Variants in TDRD10 observed in about 807,000 individuals in gnomAD.
TDRD10 encodes tudor domain-containing protein 10.
In TDRD10, 40 loss-of-function variants were observed where a neutral mutation model predicts 48.0. The observed-to-expected ratio is 0.83, with a 90% CI of 0.65 to 1.09. TDRD10 has a LOEUF of 1.09. TDRD10 is among the 50% of genes least tolerant of loss of function. The pLI, the probability that TDRD10 is intolerant of heterozygous loss-of-function variation, is 0.00. For synonymous variants in TDRD10, 162 were observed against 170.4 expected, an observed-to-expected ratio of 0.95 and a Z score of 0.38; for missense variants, 378 against 434.7, an observed-to-expected ratio of 0.87 and a Z score of 1.16.
rs1164408960 is a variant in TDRD10 at position 154,544,591 on chromosome 1, C to T, written c.797+74C>T. On this transcript the variant is annotated intron_variant, in intron 10 of 12. Transcript: ENST00000368482. ...AATGCTCCCTTCTTGCATTCTCTTC[C>T]TTTGGGCTCTGGTTTTTTTTCCTGT... is the stretch of plus-strand genomic sequence containing the variant. The T allele has an allele frequency of 7.1e-6, 11 of 1,541,004 alleles. No individual in the cohort carries two copies. In the African/African-American group the frequency reaches 1.1e-4, roughly 15 times the overall value.
intron 4 of TDRD10, among the ~76,000 whole-genome samples, chr1:154,510,150 T>C (rs948467744): frequency 6.6e-6 from 1 of 150,816 alleles, no homozygotes; most frequent in East Asian, 1.9e-4. Flanking sequence ...ACAGCTATAA[T>C]CCCAGTACTT....
chr1:154,544,568 T>C (rs569400063), intron 10 of TDRD10, 51 bp downstream of exon 10: 7 of 1,581,356 alleles, frequency 4.4e-6, no homozygotes, highest in Admixed American at 3.6e-5. Flanking sequence ...GCAGGGAAAA[T>C]GCTCCCTTCT....
chr1:154,547,784 C>A lies in TDRD10; in HGVS notation c.*74C>A. 1 of 1,578,082 alleles carries A rather than the reference C, an allele frequency of 6.3e-7. No individual in the cohort carries two copies. The highest frequency in any genetic ancestry group is 8.7e-7 in the Non-Finnish European group (1 of 1,149,320). ...GGCCACCTGCCCTGTCTTCTCGTACCCCTTTCACTCTTGAGGCCTGGGAGG... is the reference window on the plus strand; with the variant it reads ...GGCCACCTGCCCTGTCTTCTCGTACACCTTTCACTCTTGAGGCCTGGGAGG... On this transcript the variant is annotated 3_prime_UTR_variant, in exon 13 of 13. Transcript: ENST00000368482.
At chr1:154,540,609 G>A (rs1695172768) in intron 6 of TDRD10, among the ~76,000 whole-genome samples, 1 of 152,032 alleles carries the variant, frequency 6.6e-6, no homozygotes, top group Non-Finnish European at 1.5e-5. Flanking sequence ...CCTTGGGCGG[G>A]TCTGTTGCAG....
chr1:154,542,591 A>C, intron 7 of TDRD10, 140 bp from the exon 8 acceptor site: 1 of 599,684 alleles, frequency 1.7e-6, no homozygotes, highest in South Asian at 2.1e-5. Context: ...GAATCTAGAG[A>C]CTGAGAAGTT....
At chr1:154,508,586 C>G (rs931393206) in intron 4 of TDRD10, 105 bp downstream of exon 4, 2 of 791,174 alleles carry the variant, frequency 2.5e-6, no homozygotes, top group African/African-American at 1.7e-5. Context: ...CGTTTGAGAG[C>G]TATGATAGTG....
At chr1:154,521,506 G>T in intron 6 of TDRD10, 27 bp downstream of exon 6, 1 of 1,608,524 alleles carries the variant, frequency 6.2e-7, no homozygotes, top group Non-Finnish European at 8.5e-7. Flanking sequence ...TTCTGCTCTG[G>T]GGCGTTCCAT....
rs952631201 is a variant in TDRD10 at position 154,544,620 on chromosome 1, T to C, written c.797+103T>C. 10 of 1,496,816 alleles carry C rather than the reference T, an allele frequency of 6.7e-6. No individual in the cohort carries two copies. The South Asian group carries it at 1.3e-4, about 20-fold the overall frequency. 92.7% of individuals were successfully genotyped at this position (1,496,816 alleles called of 1,614,324 possible). The stretch of plus-strand genomic sequence containing the variant: ...GGGCTCTGGTTTTTTTTCCTGTGGC[T>C]TCTTCTCTCAAAATCATCTTTATCC... On this transcript the variant is annotated intron_variant, in intron 10 of 12. Coordinates refer to ENST00000368482, the MANE Select transcript of TDRD10 (RefSeq NM_182499.4).
At chr1:154,505,298 G>T (rs931757487) in intron 1 of TDRD10, among the ~76,000 whole-genome samples, 2 of 152,192 alleles carry the variant, frequency 1.3e-5, no homozygotes, top group Non-Finnish European at 2.9e-5. Flanking sequence ...GGCCTTAAAG[G>T]CATCTTGCAC....
intron 6 of TDRD10, among the ~76,000 whole-genome samples, chr1:154,526,185 CAG>C (rs1466294582): frequency 7.5e-6 from 1 of 132,538 alleles, no homozygotes; most frequent in Non-Finnish European, 1.6e-5. Flanking sequence ...GGCCTGGTGA[CAG>C]AGTGAGACTT....
chr1:154,535,252 A>G (rs921343727), intron 6 of TDRD10, among the ~76,000 whole-genome samples: 1 of 152,122 alleles, frequency 6.6e-6, no homozygotes, highest in African/African-American at 2.4e-5. Flanking sequence ...CTGTAATTCC[A>G]GCTACTCGGG....
intron 4 of TDRD10, among the ~76,000 whole-genome samples, chr1:154,518,592 T>A (rs1262976100): frequency 6.6e-6 from 1 of 152,176 alleles, no homozygotes; most frequent in Non-Finnish European, 1.5e-5. Context: ...CACGCCCGGC[T>A]AATTTTTTTT....
chr1:154,528,578 C>T (rs1226334842), intron 6 of TDRD10, among the ~76,000 whole-genome samples: 2 of 151,064 alleles, frequency 1.3e-5, no homozygotes, highest in African/African-American at 4.9e-5. Flanking sequence ...CAATGGCTCA[C>T]GCCTGTAATC....
intron 6 of TDRD10, among the ~76,000 whole-genome samples, chr1:154,524,710 A>G (rs1694222746): frequency 1.3e-5 from 2 of 151,998 alleles, no homozygotes; most frequent in African/African-American, 4.8e-5. Context: ...GTCTCAGGTG[A>G]GTGCTCCGGG....
At chr1:154,545,093 G>A in intron 11 of TDRD10, 144 bp downstream of exon 11, 1 of 1,120,112 alleles carries the variant, frequency 8.9e-7, no homozygotes, top group Non-Finnish European at 1.2e-6. Context: ...TTCAGCATAT[G>A]ACCCCTGCAA....
intron 4 of TDRD10, among the ~76,000 whole-genome samples, chr1:154,515,474 G>A (rs1693710740): frequency 6.6e-6 from 1 of 152,158 alleles, no homozygotes; most frequent in Non-Finnish European, 1.5e-5. Context: ...CGCTCCCTGT[G>A]CCCGCCTCAC....
chr1:154,518,960 A>G (rs112530410), intron 4 of TDRD10, among the ~76,000 whole-genome samples: 2 of 152,336 alleles, frequency 1.3e-5, no homozygotes, highest in African/African-American at 4.8e-5. Context: ...TTTGCACAAT[A>G]TAATGGAAAA....
At chr1:154,525,225 C>T (rs1694248690) in intron 6 of TDRD10, among the ~76,000 whole-genome samples, 2 of 152,150 alleles carry the variant, frequency 1.3e-5, no homozygotes, top group South Asian at 2.1e-4. Flanking sequence ...CATGCCAGAA[C>T]CAGATACTGG....
chr1:154,507,318 C>G lies in TDRD10; in HGVS notation c.80C>G (p.Pro27Arg). The stretch of plus-strand genomic sequence containing the variant: ...GGAGTGTTGGAGGAGCAGAAATCTC[C>G]AGGTAAGTTAGGCTGGGGGATTCGC... ...KNGVLEEQKS[P>R]GFKKRETEVY... Residue 27 changes from proline to arginine, a missense_variant and splice_region_variant, in exon 3 of 13, where the codon CCA becomes CGA. This residue lies in a region of TDRD10 where 310 missense variants were observed against 323.6 expected (regional missense o/e 0.96). Transcript: ENST00000368482. 6.2e-7 allele frequency: 1 copy of G among 1,613,976 alleles called. No individual in the cohort carries two copies. Among genetic ancestry groups the G allele is most frequent in the Non-Finnish European group, 8.5e-7 (1 of 1,179,986 alleles).
Sources: allele counts gnomAD v4.1 joint callset (sites outside exome capture counted in the v4.1 genomes callset), GRCh38; gene constraint gnomAD v4.1.1; regional missense constraint gnomAD v4.1.1; transcripts MANE v1.5; gene names NCBI Gene and HGNC (gene_info 2026-07-23, HGNC 2026-07-21).